MTRF1: variants seen among roughly 807,000 people sequenced by gnomAD.
The protein encoded by MTRF1 is peptide chain release factor 1, mitochondrial.
MTRF1 carries 51 observed loss-of-function variants against 62.9 expected under a neutral mutation model. The observed-to-expected ratio is 0.81, with a 90% CI of 0.65 to 1.02. The LOEUF is 1.02. Ranked by LOEUF, MTRF1 falls within the 50% of genes least tolerant of loss-of-function variation. The pLI is 0.00. For missense variants in MTRF1, 446 were observed against 530.0 expected, an observed-to-expected ratio of 0.84 and a Z score of 1.56; for synonymous variants, 158 against 181.9, an observed-to-expected ratio of 0.87 and a Z score of 1.06.
the MTRF1 span, among the ~76,000 whole-genome samples, chr13:41,301,167 C>A: frequency 6.6e-6 from 1 of 152,040 alleles, no homozygotes; most frequent in African/African-American, 2.4e-5. Context: ...GAGTAAAGTT[C>A]CCTAAGAAGG....
chr13:41,250,238 T>C (rs1260471573), intron 5 of MTRF1, among the ~76,000 whole-genome samples: 1 of 152,170 alleles, frequency 6.6e-6, no homozygotes, highest in African/African-American at 2.4e-5. Flanking sequence ...CTCTCCTCTT[T>C]TGCTTCCATA....
At chr13:41,285,646 A>G in the MTRF1 span, among the ~76,000 whole-genome samples, 1 of 152,194 alleles carries the variant, frequency 6.6e-6, no homozygotes, top group African/African-American at 2.4e-5. Flanking sequence ...TACTGCTATG[A>G]GTTCAAGGTA....
chr13:41,217,912 T>A (rs1170708580), intron 9 of MTRF1, among the ~76,000 whole-genome samples: 1 of 152,340 alleles, frequency 6.6e-6, no homozygotes. Flanking sequence ...AACATGATGA[T>A]CTAGAAGTCC....
the MTRF1 span, among the ~76,000 whole-genome samples, chr13:41,302,136 C>T: frequency 1.3e-5 from 2 of 152,040 alleles, no homozygotes; most frequent in Non-Finnish European, 2.9e-5. Flanking sequence ...AAGCGATTCT[C>T]CTGCCTCAGA....
chr13:41,297,365 G>A, the MTRF1 span, among the ~76,000 whole-genome samples: 1 of 152,076 alleles, frequency 6.6e-6, no homozygotes, highest in Non-Finnish European at 1.5e-5. Context: ...AATCTCCAAG[G>A]TTTCAAAACT....
intron 8 of MTRF1, among the ~76,000 whole-genome samples, chr13:41,226,206 A>G (rs947854224): frequency 1.1e-4 from 17 of 152,246 alleles, no homozygotes; most frequent in African/African-American, 3.9e-4. Flanking sequence ...ACTAGGAAAT[A>G]ATTTTTAGTT....
At chr13:41,237,586 T>TCC in intron 6 of MTRF1, among the ~76,000 whole-genome samples, 1 of 152,112 alleles carries the variant, frequency 6.6e-6, no homozygotes, top group African/African-American at 2.4e-5. Flanking sequence ...AACCTCCGCC[T>TCC]CATGGGCTCA....
At chr13:41,239,562 T>A (rs911200549) in intron 6 of MTRF1, among the ~76,000 whole-genome samples, 2 of 147,726 alleles carry the variant, frequency 1.4e-5, no homozygotes, top group African/African-American at 5.0e-5. Context: ...TCTGTATGTT[T>A]AAAAAAAAAA....
At chr13:41,220,542 A>G in intron 9 of MTRF1, 1 of 1,265,714 alleles carries the variant, frequency 7.9e-7, no homozygotes, top group South Asian at 1.2e-5. Context: ...GTTACCTAAC[A>G]GAAGAAGTCA....
rs2032007715 is a variant in MTRF1 at position 41,216,908 on chromosome 13, A to G, written c.*207T>C. On this transcript the variant is annotated 3_prime_UTR_variant, in exon 10 of 10. Coordinates refer to ENST00000379480, the MANE Select transcript of MTRF1 (RefSeq NM_004294.4). Reference sequence around the variant, plus strand: ...ATGATGCATGCTTATTTTCTACTTGATGAGTTGGATTGTACTTTACAGGAA... The same window carrying G: ...ATGATGCATGCTTATTTTCTACTTGGTGAGTTGGATTGTACTTTACAGGAA... 3.0e-6 allele frequency: 1 copy of G among 338,350 alleles called. No homozygotes were observed. The allele number at this position is 338,350 out of a possible 1,614,324, so 21.0% of individuals were successfully genotyped here. A position where few individuals can be genotyped will look rare whatever the true frequency, so the allele number is the denominator to read the frequency against.
the MTRF1 span, among the ~76,000 whole-genome samples, chr13:41,285,378 A>T: frequency 6.6e-6 from 1 of 152,174 alleles, no homozygotes; most frequent in Admixed American, 6.5e-5. Flanking sequence ...CTGTCCCAAC[A>T]GCCTTAATTT....
chr13:41,253,154 G>C lies in MTRF1; in HGVS notation c.508-124C>G, dbSNP rs913665557. ...CAAAATCATATAGTATCCCAAACAGGGTATTCCAAAAATGCTATAATAAGT... is the reference window on the plus strand; with the variant it reads ...CAAAATCATATAGTATCCCAAACAGCGTATTCCAAAAATGCTATAATAAGT... On this transcript the variant is annotated intron_variant, in intron 3 of 9. Coordinates refer to ENST00000379480, the MANE Select transcript of MTRF1 (RefSeq NM_004294.4). The C allele has an allele frequency of 2.1e-5, 14 of 660,804 alleles. No individual in the cohort carries two copies. In the African/African-American group the frequency reaches 2.2e-4, roughly 11 times the overall value. 40.9% of individuals were successfully genotyped at this position (660,804 alleles called of 1,614,324 possible).
chr13:41,266,986 G>A (rs1478300684), upstream of MTRF1, among the ~76,000 whole-genome samples: 1 of 115,632 alleles, frequency 8.6e-6, no homozygotes, highest in Non-Finnish European at 1.7e-5. Context: ...AACAGAGCGA[G>A]ACTCTGTCTC....
intron 8 of MTRF1, 103 bp downstream of exon 8, chr13:41,226,329 G>T: frequency 1.7e-6 from 2 of 1,190,128 alleles, no homozygotes; most frequent in Non-Finnish European, 1.2e-6. Context: ...ATTTCTCTAT[G>T]CTCTAAAACA....
chr13:41,299,705 G>A, the MTRF1 span, among the ~76,000 whole-genome samples: 1 of 151,556 alleles, frequency 6.6e-6, no homozygotes, highest in Non-Finnish European at 1.5e-5. Context: ...CAATTGAACT[G>A]AGCTTCACAA....
At chr13:41,225,362 G>C (rs1566066964) in intron 8 of MTRF1, among the ~76,000 whole-genome samples, 1 of 152,150 alleles carries the variant, frequency 6.6e-6, no homozygotes, top group African/African-American at 2.4e-5. Context: ...GTGTACCCAG[G>C]GTATATTGTT....
chr13:41,281,608 T>C, the MTRF1 span, among the ~76,000 whole-genome samples: 4 of 152,162 alleles, frequency 2.6e-5, no homozygotes, highest in African/African-American at 9.7e-5. Flanking sequence ...TTACTGGCAT[T>C]ATGTGCCTGA....
At chr13:41,284,185 A>T in the MTRF1 span, among the ~76,000 whole-genome samples, 1 of 151,896 alleles carries the variant, frequency 6.6e-6, no homozygotes, top group Non-Finnish European at 1.5e-5. Flanking sequence ...CTACAAAAAA[A>T]TTAAAAGTTA....
At chr13:41,221,756 A>G (rs2033412445) in intron 9 of MTRF1, among the ~76,000 whole-genome samples, 1 of 152,218 alleles carries the variant, frequency 6.6e-6, no homozygotes. Context: ...ATACTATACT[A>G]TGCACCTATG....
Sources: allele counts gnomAD v4.1 joint callset (sites outside exome capture counted in the v4.1 genomes callset), GRCh38; gene constraint gnomAD v4.1.1; transcripts MANE v1.5; gene names NCBI Gene and HGNC (gene_info 2026-07-23, HGNC 2026-07-21).